Variants in ACP3 observed in about 807,000 individuals in gnomAD.
ACP3 encodes the protein prostatic acid phosphatase.
A neutral mutation model predicts 45.6 loss-of-function variants in ACP3; 38 were observed. The ratio of observed to expected loss-of-function variants is 0.83; its 90% confidence interval spans 0.64 to 1.09. The LOEUF (loss-of-function observed/expected upper bound fraction) is 1.09. Among genes scored for constraint, ACP3 ranks in the 50% least tolerant of loss-of-function variants. The probability of loss-of-function intolerance (pLI) is 0.00; values close to 1 mark genes in which losing one functional copy is unlikely to be tolerated. For missense variants in ACP3, 466 were observed against 463.2 expected, an observed-to-expected ratio of 1.01 and a Z score of -0.05; for synonymous variants, 162 against 164.7, an observed-to-expected ratio of 0.98 and a Z score of 0.13.
chr3:132,332,434 C>A, intron 4 of ACP3, 90 bp downstream of exon 4: 1 of 1,415,306 alleles, frequency 7.1e-7, no homozygotes, highest in Non-Finnish European at 9.9e-7. Context: ...GGAGTCTGGA[C>A]ACTCCTTGAG....
chr3:132,326,900 TGTA>T (rs1235729396), intron 1 of ACP3, among the ~76,000 whole-genome samples: 7 of 152,350 alleles, frequency 4.6e-5, no homozygotes, highest in African/African-American at 1.7e-4. Flanking sequence ...GACTTCATCT[TGTA>T]GTTCTTCAGT....
intron 8 of ACP3, 119 bp from the exon 9 acceptor site, chr3:132,352,601 T>C (rs544823224): frequency 1.7e-5 from 12 of 703,304 alleles, no homozygotes; most frequent in Admixed American, 1.2e-4. Flanking sequence ...ACTTATTAAG[T>C]CATTGTGGGC....
intron 9 of ACP3, 140 bp from the exon 10 acceptor site, chr3:132,356,546 A>T: frequency 1.3e-6 from 2 of 1,499,488 alleles, no homozygotes; most frequent in Non-Finnish European, 1.8e-6. Context: ...CCATTTACAC[A>T]CCTAAATTGG....
At chr3:132,362,944 G>A (rs1406612154), downstream of ACP3, among the ~76,000 whole-genome samples, 2 of 152,114 alleles carry the variant, frequency 1.3e-5, no homozygotes, top group African/African-American at 4.8e-5. Flanking sequence ...TCTTGTTTTA[G>A]GAAGACCCTT....
In ACP3 at chr3:132,355,516, T is replaced by A. The variant is rs548442114; in HGVS notation, c.969-1170T>A. On this transcript the variant is annotated intron_variant, in intron 9 of 9. Transcript: ENST00000336375. ...TTTATTTTATTTTATTTTATTTTTA[T>A]TTTATTTTATTTTATTTTTGAGATG... Among the ~76,000 whole-genome samples, 223 of 151,278 alleles carry A rather than the reference T, an allele frequency of 1.5e-3. 2 individuals are homozygous for A. Among genetic ancestry groups the A allele is most frequent in the African/African-American group, 5.1e-3 (212 of 41,424 alleles).
At chr3:132,332,165 G>A (rs371981856) in intron 3 of ACP3, 27 bp from the exon 4 acceptor site, 180 of 1,613,490 alleles carry the variant, frequency 1.1e-4, no homozygotes, top group Non-Finnish European at 1.5e-4. Context: ...CTTTACGTTC[G>A]CTTCTGCTTT....
chr3:132,361,892 G>C (rs1938046947), downstream of ACP3, among the ~76,000 whole-genome samples: 1 of 152,132 alleles, frequency 6.6e-6, no homozygotes, highest in South Asian at 2.1e-4. Context: ...CAGGACCCCA[G>C]GGAATCTCTT....
intron 7 of ACP3, among the ~76,000 whole-genome samples, chr3:132,348,607 CA>C (rs1023572176): frequency 2.6e-5 from 4 of 152,106 alleles, no homozygotes; most frequent in Non-Finnish European, 4.4e-5. Context: ...TCATGGCTCC[CA>C]AAAGCTTGGC....
chr3:132,349,024 C>CACACACACACA (rs1553733349), intron 7 of ACP3, among the ~76,000 whole-genome samples: 1 of 152,060 alleles, frequency 6.6e-6, no homozygotes, highest in Non-Finnish European at 1.5e-5. Context: ...CCCTAACACA[C>CACACACACACA]CCTACTGGTC....
chr3:132,331,032 T>A (rs575555877), intron 2 of ACP3, among the ~76,000 whole-genome samples: 1 of 152,336 alleles, frequency 6.6e-6, no homozygotes, highest in East Asian at 1.9e-4. Context: ...ATCAGAAGCT[T>A]GTTAAAAAAT....
At chr3:132,334,969 T>C (rs957083715) in intron 4 of ACP3, among the ~76,000 whole-genome samples, 1 of 151,992 alleles carries the variant, frequency 6.6e-6, no homozygotes, top group Non-Finnish European at 1.5e-5. Flanking sequence ...GTCAAGTTAG[T>C]TAAAAAATGG....
At chr3:132,351,576 G>A (rs1337561169) in intron 8 of ACP3, among the ~76,000 whole-genome samples, 2 of 152,166 alleles carry the variant, frequency 1.3e-5, no homozygotes, top group South Asian at 4.1e-4. Context: ...TATAGACTAG[G>A]GAAATAGGCC....
intron 2 of ACP3, among the ~76,000 whole-genome samples, chr3:132,330,531 T>G (rs1163120419): frequency 2.6e-5 from 4 of 152,216 alleles, no homozygotes; most frequent in African/African-American, 9.6e-5. Context: ...AAATCACTGC[T>G]TCATACAGAC....
At chr3:132,329,883 A>G (rs1310681491) in intron 2 of ACP3, among the ~76,000 whole-genome samples, 1 of 149,428 alleles carries the variant, frequency 6.7e-6, no homozygotes, top group Non-Finnish European at 1.5e-5. Context: ...ACAAGGTTCT[A>G]GGGCTCAGAT....
chr3:132,338,276 G>A (rs1049647570), intron 5 of ACP3, among the ~76,000 whole-genome samples: 2 of 141,812 alleles, frequency 1.4e-5, no homozygotes, highest in Non-Finnish European at 3.1e-5. Flanking sequence ...CCTTGGTTTT[G>A]TTTTGTTTTT....
intron 6 of ACP3, 48 bp from the exon 7 acceptor site, chr3:132,344,879 C>T (rs1179445442): frequency 1.3e-6 from 2 of 1,596,246 alleles, no homozygotes; most frequent in East Asian, 4.5e-5. Context: ...ACAAAGAGGA[C>T]AGTCATATAA....
chr3:132,336,057 G>A (rs1168456591), intron 4 of ACP3, among the ~76,000 whole-genome samples: 2 of 152,114 alleles, frequency 1.3e-5, no homozygotes, highest in Non-Finnish European at 2.9e-5. Flanking sequence ...TCAGGAGATC[G>A]AGACCATCCT....
chr3:132,364,535 T>C (rs1411837473), intron 10 of ACP3, among the ~76,000 whole-genome samples: 1 of 152,262 alleles, frequency 6.6e-6, no homozygotes, highest in Non-Finnish European at 1.5e-5. Context: ...TAGAAGACTT[T>C]CCAAACTCTT....
At chr3:132,368,018 C>A (rs1938159285) in exon 11 of ACP3, 1 of 534,430 alleles carries the variant, frequency 1.9e-6, no homozygotes, top group Non-Finnish European at 3.4e-6. Context: ...CCTAGGTCTT[C>A]TCATAATGGA....
Sources: gnomAD v4.1 joint callset for allele counts (sites outside exome capture counted in the v4.1 genomes callset) on GRCh38, gnomAD v4.1.1 for gene constraint, MANE v1.5 for transcripts, NCBI Gene and HGNC (gene_info 2026-07-23, HGNC 2026-07-21) for gene names.